The following PLXNA4 variants were observed in gnomAD, a reference collection of about 807,000 sequenced individuals.
The protein encoded by PLXNA4 is plexin A4.
PLXNA4 carries 44 observed loss-of-function variants against 191.8 expected under a neutral mutation model. That is an observed-to-expected ratio of 0.23 (90% CI 0.18 to 0.29). The LOEUF (loss-of-function observed/expected upper bound fraction) is 0.29. Among genes scored for constraint, PLXNA4 ranks in the 10% least tolerant of loss-of-function variants. PLXNA4 has a pLI of 1.00. For synonymous variants in PLXNA4, 1,082 were observed against 1,009.5 expected, an observed-to-expected ratio of 1.07 and a Z score of -1.36; for missense variants, 1,800 against 2,488.8, an observed-to-expected ratio of 0.72 and a Z score of 5.89.
chr7:132,566,982 A>G (rs572714862), intron 1 of PLXNA4, among the ~76,000 whole-genome samples: 2 of 152,300 alleles, frequency 1.3e-5, no homozygotes, highest in Admixed American at 6.5e-5. Flanking sequence ...CCAAAACTTG[A>G]AAGCTTCCAG....
At chr7:132,616,299 T>C (rs1394506492) in intron 2 of PLXNA4, among the ~76,000 whole-genome samples, 1 of 152,216 alleles carries the variant, frequency 6.6e-6, no homozygotes, top group Non-Finnish European at 1.5e-5. Flanking sequence ...CTACCTTGCC[T>C]GCCTAGCCTG....
intron 5 of PLXNA4, among the ~76,000 whole-genome samples, chr7:132,230,230 C>T (rs574838625): frequency 1.1e-3 from 174 of 152,172 alleles, no homozygotes; most frequent in Non-Finnish European, 3.4e-4. Context: ...GACAAAGACG[C>T]ACCCTGCGGC....
chr7:132,191,813 A>G (rs1462080007), intron 14 of PLXNA4, among the ~76,000 whole-genome samples: 2 of 87,744 alleles, frequency 2.3e-5, no homozygotes, highest in Non-Finnish European at 4.1e-5. Context: ...TGTCTATATC[A>G]TATACTATAT....
At position 132,461,055 on chromosome 7, in the gene PLXNA4, G is replaced by GT. The variant is rs537459889; in HGVS notation, c.1371+28236dup. On this transcript the variant is annotated intron_variant, in intron 3 of 31. Coordinates refer to ENST00000321063, the MANE Select transcript of PLXNA4 (RefSeq NM_020911.2). ...AATGTCTGGGAAATGTCGTTTTTCA[G>GT]TAAGATTCAAGAGGACTTTTTTCTG... Among the ~76,000 whole-genome samples the GT allele has an allele frequency of 3.3e-5, 5 of 152,308 alleles. No individual in the cohort carries two copies. The South Asian group carries it at 1.0e-3, about 32-fold the overall frequency.
chr7:132,322,057 G>A (rs1192475205), intron 3 of PLXNA4, among the ~76,000 whole-genome samples: 1 of 152,152 alleles, frequency 6.6e-6, no homozygotes, highest in Non-Finnish European at 1.5e-5. Context: ...AAGTGAAAAG[G>A]TTGGAAAAGG....
At chr7:132,367,805 G>A (rs1804251808) in intron 3 of PLXNA4, 1 of 152,214 alleles carries the variant, frequency 6.6e-6, no homozygotes, top group Non-Finnish European at 1.5e-5. Flanking sequence ...ACAGCCACCA[G>A]GAGCCAGATG....
At chr7:132,366,538 G>A (rs983744407) in intron 3 of PLXNA4, among the ~76,000 whole-genome samples, 14 of 151,806 alleles carry the variant, frequency 9.2e-5, no homozygotes, top group African/African-American at 2.9e-4. Context: ...AAAAAAAAAA[G>A]AGAGAGAGAA....
Position 132,196,989 on chromosome 7 carries a change from T to C in PLXNA4, c.2738+1496A>G, listed in dbSNP as rs566201475. On this transcript the variant is annotated intron_variant, in intron 13 of 31. Coordinates refer to ENST00000321063, the MANE Select transcript of PLXNA4 (RefSeq NM_020911.2). ...TATTAACTGTAATAGGGTATAACCA[T>C]ACTCCCAGTTTATCATTCACATTTT... Among the ~76,000 whole-genome samples the C allele has an allele frequency of 2.0e-5, 3 of 152,340 alleles. No individual in the cohort carries two copies. In the South Asian group the frequency reaches 6.2e-4, roughly 32 times the overall value.
intron 2 of PLXNA4, among the ~76,000 whole-genome samples, chr7:132,604,172 G>T (rs1345684724): frequency 6.6e-6 from 1 of 152,070 alleles, no homozygotes; most frequent in Non-Finnish European, 1.5e-5. Context: ...CACAAGCCAG[G>T]CCAATATGCA....
chr7:132,371,568 C>T (rs1804441772), intron 3 of PLXNA4, among the ~76,000 whole-genome samples: 1 of 152,170 alleles, frequency 6.6e-6, no homozygotes, highest in African/African-American at 2.4e-5. Context: ...AAAACTGGGG[C>T]ACCGAGGGGA....
intron 10 of PLXNA4, among the ~76,000 whole-genome samples, chr7:132,208,609 A>G (rs964668674): frequency 6.6e-6 from 1 of 152,174 alleles, no homozygotes; most frequent in Non-Finnish European, 1.5e-5. Context: ...TCCAGCTCCA[A>G]TGCCAACAGG....
chr7:132,297,617 C>T (rs1288220016), intron 4 of PLXNA4, among the ~76,000 whole-genome samples: 1 of 152,160 alleles, frequency 6.6e-6, no homozygotes, highest in Non-Finnish European at 1.5e-5. Context: ...CCGTGCCCTA[C>T]CCCATCACAT....
intron 3 of PLXNA4, among the ~76,000 whole-genome samples, chr7:132,483,720 C>T (rs1048838279): frequency 3.3e-5 from 5 of 152,138 alleles, no homozygotes; most frequent in Admixed American, 6.5e-5. Context: ...AAGTGGCACA[C>T]GTATCAATAA....
In PLXNA4 at chr7:132,585,645, T is replaced by C. The variant is rs574673797; in HGVS notation, c.-87+60283A>G. ...GGCTTTAACAACAAATATCTATTTC[T>C]TATGGTTCTGGAGGTTGGAAGTCTG... is the stretch of plus-strand genomic sequence containing the variant. On this transcript the variant is annotated intron_variant, in intron 2 of 4. Coordinates refer to the PLXNA4 transcript ENST00000378539. Among the ~76,000 whole-genome samples, 188 of 152,348 alleles carry C rather than the reference T, an allele frequency of 1.2e-3. 3 individuals are homozygous for C. Among genetic ancestry groups the C allele is most frequent in the African/African-American group, 4.3e-3 (178 of 41,582 alleles).
intron 3 of PLXNA4, among the ~76,000 whole-genome samples, chr7:132,405,705 C>T (rs138607753): frequency 6.6e-6 from 1 of 152,190 alleles, no homozygotes; most frequent in South Asian, 2.1e-4. Flanking sequence ...ACTACACATA[C>T]CCATGTGGCA....
Position 132,187,556 on chromosome 7 carries a change from T to G in PLXNA4, c.2908A>C (p.Thr970Pro), listed in dbSNP as rs1381455452. ...KPSRGPMSGG[T>P]QVTITGTNLN... ...TTGGTGCCTGTGATGGTCACTTGGG[T>G]CCCTCCGGACATGGGCCCCCGGCTG... Residue 970 changes from threonine to proline, a missense_variant, in exon 15 of 32, where the codon ACC (threonine) becomes CCC (proline). Transcript: ENST00000321063. 1 of 1,613,878 alleles carries G rather than the reference T, an allele frequency of 6.2e-7. No homozygotes were observed. The highest frequency in any genetic ancestry group is 8.5e-7 in the Non-Finnish European group (1 of 1,179,964).
intron 3 of PLXNA4, among the ~76,000 whole-genome samples, chr7:132,398,268 G>A (rs1247724337): frequency 6.6e-6 from 1 of 152,156 alleles, no homozygotes; most frequent in African/African-American, 2.4e-5. Flanking sequence ...AATATAACCT[G>A]CCATTTTCAT....
At chr7:132,394,935 G>A (rs1223902491) in intron 3 of PLXNA4, among the ~76,000 whole-genome samples, 10 of 152,236 alleles carry the variant, frequency 6.6e-5, no homozygotes, top group Non-Finnish European at 1.2e-4. Context: ...CGTGGGACCA[G>A]CCCTGGGGAT....
chr7:132,222,327 T>C (rs528426651), intron 9 of PLXNA4, among the ~76,000 whole-genome samples: 12 of 152,198 alleles, frequency 7.9e-5, no homozygotes, highest in Non-Finnish European at 1.3e-4. Flanking sequence ...GGGTGTACAT[T>C]GACCTTCCCT....
Sources: allele counts gnomAD v4.1 joint callset (sites outside exome capture counted in the v4.1 genomes callset), GRCh38; gene constraint gnomAD v4.1.1; transcripts MANE v1.5; gene names NCBI Gene and HGNC (gene_info 2026-07-23, HGNC 2026-07-21).